C10orf90: variants seen among roughly 807,000 people sequenced by gnomAD.
C10orf90 encodes the protein (E2-independent) E3 ubiquitin-conjugating enzyme FATS.
Under a neutral mutation model 62.5 loss-of-function variants are expected in C10orf90, and 56 were observed. The observed-to-expected ratio is 0.90, with a 90% confidence interval of 0.72 to 1.12. The LOEUF is 1.12. Ranked by LOEUF, C10orf90 falls within the 50% of genes most tolerant of loss-of-function variation. The pLI is 0.00. For missense variants in C10orf90, 970 were observed against 880.4 expected (o/e 1.10, Z -1.29); for synonymous variants, 386 against 340.4 (o/e 1.13, Z -1.47).
At chr10:126,535,150 T>C (rs1234420204) in intron 2 of C10orf90, among the ~76,000 whole-genome samples, 1 of 152,056 alleles carries the variant, frequency 6.6e-6, no homozygotes, top group East Asian at 1.9e-4. Flanking sequence ...CACATACATA[T>C]ATATACATAT....
rs117219706 is a variant in C10orf90 at position 126,455,612 on chromosome 10, C to T, written c.2188+3428G>A. On this transcript the variant is annotated intron_variant, in intron 7 of 9. Transcript: ENST00000488181. Reference sequence around the variant, plus strand: ...GTGGGAAGGTGGCTCAGGTGGCACCCGGGTGAGGAGAGAGACTTACGCATT... The same window carrying T: ...GTGGGAAGGTGGCTCAGGTGGCACCTGGGTGAGGAGAGAGACTTACGCATT... Among the ~76,000 whole-genome samples the T allele has an allele frequency of 9.1e-4, 138 of 152,296 alleles. No homozygotes were observed. The East Asian group carries it at 0.023, about 26-fold the overall frequency.
At chr10:126,499,043 C>T (rs2133866024) in intron 4 of C10orf90, among the ~76,000 whole-genome samples, 1 of 152,316 alleles carries the variant, frequency 6.6e-6, no homozygotes, top group Middle Eastern at 3.4e-3. Flanking sequence ...GAATGCTAGA[C>T]CAGAAGTCAG....
At chr10:126,496,772 C>T (rs1031530330) in intron 4 of C10orf90, 8 of 938,872 alleles carry the variant, frequency 8.5e-6, no homozygotes, top group East Asian at 1.2e-4. Context: ...CTTAAGGGAT[C>T]GTGACATAAG....
intron 2 of C10orf90, among the ~76,000 whole-genome samples, chr10:126,557,522 C>G (rs1011034393): frequency 4.0e-5 from 6 of 151,552 alleles, no homozygotes; most frequent in African/African-American, 1.5e-4. Flanking sequence ...TATACCTTTC[C>G]CCCATAACTT....
chr10:126,509,485 G>T (rs902203467), intron 3 of C10orf90, among the ~76,000 whole-genome samples: 5 of 152,178 alleles, frequency 3.3e-5, no homozygotes, highest in African/African-American at 1.2e-4. Flanking sequence ...GACATAAATA[G>T]AAATGACTCA....
At chr10:126,668,322 T>C (rs1846674842) in intron 1 of C10orf90, among the ~76,000 whole-genome samples, 2 of 152,158 alleles carry the variant, frequency 1.3e-5, no homozygotes, top group African/African-American at 4.8e-5. Flanking sequence ...TTGAGTACTT[T>C]GTGGTCAAAG....
chr10:126,549,957 C>CTTT (rs1168153149), intron 2 of C10orf90, among the ~76,000 whole-genome samples: 2 of 117,418 alleles, frequency 1.7e-5, no homozygotes, highest in Non-Finnish European at 1.8e-5. Flanking sequence ...GTAAAGCTTT[C>CTTT]TTTTTTTTTT....
At position 126,504,708 on chromosome 10, in the gene C10orf90, GCA is replaced by G. The variant is rs751986090; in HGVS notation, c.781_782del (p.Cys261ProfsTer6). Reference sequence around the variant, plus strand: ...GTGTGTCCTCAGCCCTGCACTTGGGGCACAGAGAGTCCCCAGCAGTCCCCCAC... The same window carrying G: ...GTGTGTCCTCAGCCCTGCACTTGGGGCAGAGAGTCCCCAGCAGTCCCCCAC... ...LVWGTAGDSL[C>X]PKCRAEDTLF... On this transcript the variant is annotated frameshift_variant, in exon 4 of 10. Transcript: ENST00000488181. LOFTEE classifies it high-confidence loss of function. This position sits in a 1 kb window ranked among gnomAD's most constrained non-coding sequence, Gnocchi z 4.1. 1 of 1,610,838 alleles carries G rather than the reference GCA, an allele frequency of 6.2e-7. No individual in the cohort carries two copies.
At chr10:126,433,548 T>A (rs1857719876) in intron 7 of C10orf90, among the ~76,000 whole-genome samples, 1 of 151,902 alleles carries the variant, frequency 6.6e-6, no homozygotes, top group South Asian at 2.1e-4. Context: ...TCTCTCCTGG[T>A]CCCACAACTC....
chr10:126,616,893 G>A (rs1394212020), intron 2 of C10orf90, among the ~76,000 whole-genome samples: 2 of 152,066 alleles, frequency 1.3e-5, no homozygotes, highest in Non-Finnish European at 2.9e-5. Context: ...AAGTAGGTCC[G>A]CAACATTGAT....
rs1247073126 is a variant in C10orf90 at position 126,442,649 on chromosome 10, A to G, written c.2189-12799T>C. ...TGTGTGTGTGTATATATATATATAT[A>G]TATATATATATATATATATATATAT... On this transcript the variant is annotated intron_variant, in intron 7 of 9. Coordinates refer to ENST00000488181, the MANE Select transcript of C10orf90 (RefSeq NM_001350921.2). Among the ~76,000 whole-genome samples, 146 of 27,640 alleles carry G rather than the reference A, an allele frequency of 5.3e-3. 1 individual carries two copies. Among genetic ancestry groups the G allele is most frequent in the African/African-American group, 0.013 (139 of 10,894 alleles). The allele number at this position is 27,640 out of a possible 152,430, so 18.1% of individuals were successfully genotyped here.
chr10:126,625,671 C>A (rs1396126470), intron 2 of C10orf90, among the ~76,000 whole-genome samples: 1 of 152,180 alleles, frequency 6.6e-6, no homozygotes, highest in Non-Finnish European at 1.5e-5. Flanking sequence ...GTATCAAGGC[C>A]TCCAAATGAA....
intron 2 of C10orf90, among the ~76,000 whole-genome samples, chr10:126,565,386 TTA>T (rs1208701129): frequency 0.02 from 1,581 of 78,474 alleles, 32 homozygotes; most frequent in Non-Finnish European, 0.027. Context: ...ATAATATATA[TTA>T]TATATATTAT....
chr10:126,516,855 C>T (rs1434265798), intron 2 of C10orf90, among the ~76,000 whole-genome samples: 1 of 54,006 alleles, frequency 1.9e-5, no homozygotes, highest in African/African-American at 8.5e-5. Context: ...CTCTTCCTTG[C>T]CTTTTTCAGC....
At chr10:126,455,587 G>A (rs1185596117) in intron 7 of C10orf90, among the ~76,000 whole-genome samples, 3 of 152,216 alleles carry the variant, frequency 2.0e-5, no homozygotes, top group East Asian at 1.9e-4. Context: ...TGCTAGAGAC[G>A]TGGGAAGGTG....
intron 7 of C10orf90, among the ~76,000 whole-genome samples, chr10:126,437,137 G>C (rs538833931): frequency 1.3e-5 from 2 of 152,294 alleles, no homozygotes; most frequent in East Asian, 3.9e-4. Flanking sequence ...CAGGGGTTTT[G>C]TGTGTAGGTA....
At chr10:126,576,741 T>C (rs1301486123) in intron 2 of C10orf90, among the ~76,000 whole-genome samples, 1 of 65,378 alleles carries the variant, frequency 1.5e-5, no homozygotes, top group South Asian at 4.1e-4. Context: ...TATGTATATG[T>C]ATATATACAT....
At chr10:126,654,580 C>A (rs1450633747) in intron 1 of C10orf90, among the ~76,000 whole-genome samples, 1 of 152,182 alleles carries the variant, frequency 6.6e-6, no homozygotes, top group African/African-American at 2.4e-5. Context: ...AGCAATAAGG[C>A]TGTTCTACTT....
At chr10:126,653,533 C>T (rs1846332268) in intron 1 of C10orf90, among the ~76,000 whole-genome samples, 1 of 152,212 alleles carries the variant, frequency 6.6e-6, no homozygotes, top group African/African-American at 2.4e-5. Flanking sequence ...CTTCAGGCTC[C>T]ACTTCTAATT....
Sources: allele counts gnomAD v4.1 joint callset (sites outside exome capture counted in the v4.1 genomes callset), GRCh38; gene constraint gnomAD v4.1.1; non-coding constraint Gnocchi (gnomAD v3.1); transcripts MANE v1.5; gene names NCBI Gene and HGNC (gene_info 2026-07-23, HGNC 2026-07-21).